Variants in TNFRSF11A observed in about 807,000 individuals in gnomAD.
TNFRSF11A encodes TNF receptor superfamily member 11a.
Under a neutral mutation model 55.7 loss-of-function variants are expected in TNFRSF11A, and 32 were observed. That is an observed-to-expected ratio of 0.57 (90% CI 0.43 to 0.77). TNFRSF11A has a LOEUF of 0.77. Ranked by LOEUF, TNFRSF11A falls within the 30% of genes least tolerant of loss-of-function variation. The pLI is 0.00. For synonymous variants in TNFRSF11A, 311 were observed against 331.0 expected (o/e 0.94, Z 0.65); for missense variants, 753 against 809.8 (o/e 0.93, Z 0.85).
intron 3 of TNFRSF11A, among the ~76,000 whole-genome samples, chr18:62,350,414 T>G (rs1369657902): frequency 1.3e-5 from 2 of 152,174 alleles, no homozygotes; most frequent in East Asian, 3.8e-4. Context: ...TGCCTCAGCC[T>G]CCTGAGTAGC....
chr18:62,341,988 A>C (rs772366439), intron 1 of TNFRSF11A, among the ~76,000 whole-genome samples: 2 of 151,400 alleles, frequency 1.3e-5, no homozygotes, highest in Non-Finnish European at 2.9e-5. Context: ...CTGAAGCCCA[A>C]CTCAGTTCTT....
At chr18:62,365,121 C>T (rs55824825) in intron 7 of TNFRSF11A, among the ~76,000 whole-genome samples, 12,071 of 152,058 alleles carry the variant, frequency 0.079, 615 homozygotes, top group African/African-American at 0.13. Context: ...CCACCATGCC[C>T]GGCTAATTTT....
At chr18:62,349,578 C>T (rs377382117) in intron 2 of TNFRSF11A, among the ~76,000 whole-genome samples, 1 of 152,168 alleles carries the variant, frequency 6.6e-6, no homozygotes, top group African/African-American at 2.4e-5. Flanking sequence ...GCTCAGCGGA[C>T]CCAGGTGGGG....
intron 7 of TNFRSF11A, among the ~76,000 whole-genome samples, chr18:62,362,481 A>C (rs1214374890): frequency 7.4e-6 from 1 of 135,372 alleles, no homozygotes; most frequent in Non-Finnish European, 1.6e-5. Flanking sequence ...CAAGAGCAAA[A>C]CTTCATCTCA....
intron 1 of TNFRSF11A, among the ~76,000 whole-genome samples, chr18:62,330,614 C>G (rs943050394): frequency 1.1e-4 from 17 of 151,696 alleles, no homozygotes; most frequent in African/African-American, 4.1e-4. Context: ...GAAGAGTGTC[C>G]AGGGGCGGGC....
At chr18:62,370,500 G>A (rs752360451) in intron 9 of TNFRSF11A, among the ~76,000 whole-genome samples, 2 of 152,080 alleles carry the variant, frequency 1.3e-5, no homozygotes, top group Non-Finnish European at 2.9e-5. Flanking sequence ...GCCGGTCTTC[G>A]AATTGTTTTA....
At chr18:62,377,389 C>A (rs1287861722) in intron 9 of TNFRSF11A, among the ~76,000 whole-genome samples, 2 of 152,206 alleles carry the variant, frequency 1.3e-5, no homozygotes, top group Non-Finnish European at 2.9e-5. Context: ...TTTTCAACTT[C>A]TTTGGGTAAA....
chr18:62,368,327 A>T (rs1910251771), intron 8 of TNFRSF11A, among the ~76,000 whole-genome samples: 1 of 152,196 alleles, frequency 6.6e-6, no homozygotes, highest in Non-Finnish European at 1.5e-5. Flanking sequence ...AGCATACCAC[A>T]GTGATACACA....
intron 4 of TNFRSF11A, among the ~76,000 whole-genome samples, chr18:62,355,496 C>T (rs1181789282): frequency 1.3e-5 from 2 of 152,184 alleles, no homozygotes; most frequent in East Asian, 1.9e-4. Context: ...AGGCTGGTCT[C>T]GAACTCCCGA....
At chr18:62,331,204 AAGTAAATAAATAAATAAAT>A (rs1348207943) in intron 1 of TNFRSF11A, among the ~76,000 whole-genome samples, 28 of 137,414 alleles carry the variant, frequency 2.0e-4, no homozygotes, top group African/African-American at 6.7e-4. Context: ...CTCCATCCCA[AAGTAAATAAATAAATAAAT>A]AGTAAATAAA....
At chr18:62,378,749 A>G (rs1911067279) in intron 9 of TNFRSF11A, among the ~76,000 whole-genome samples, 1 of 152,258 alleles carries the variant, frequency 6.6e-6, no homozygotes, top group African/African-American at 2.4e-5. Flanking sequence ...GCACACTGCC[A>G]GGCCAGCACA....
At position 62,387,048 on chromosome 18, in the gene TNFRSF11A, T is replaced by G. The variant is rs1158504993; in HGVS notation, c.*2014T>G. On this transcript the variant is annotated 3_prime_UTR_variant, in exon 10 of 10. Coordinates refer to ENST00000586569, the MANE Select transcript of TNFRSF11A (RefSeq NM_003839.4). ...TCTCACTGAGCACTTCGCTTTTCTTTGCTTTTATTTTTTCCTTCTATAAAA... is the reference window on the plus strand; with the variant it reads ...TCTCACTGAGCACTTCGCTTTTCTTGGCTTTTATTTTTTCCTTCTATAAAA... 2 of 152,366 alleles carry G rather than the reference T, an allele frequency of 1.3e-5. No individual in the cohort carries two copies. Among genetic ancestry groups the G allele is most frequent in the East Asian group, 3.9e-4 (2 of 5,192 alleles). 9.4% of individuals were successfully genotyped at this position (152,366 alleles called of 1,614,324 possible). A position where few individuals can be genotyped will look rare whatever the true frequency, so the allele number is the denominator to read the frequency against.
intron 4 of TNFRSF11A, among the ~76,000 whole-genome samples, chr18:62,356,108 C>A (rs1909235831): frequency 6.6e-6 from 1 of 152,160 alleles, no homozygotes; most frequent in Non-Finnish European, 1.5e-5. Context: ...TTCCTGACTT[C>A]TAGGAAGTAT....
In TNFRSF11A at chr18:62,369,103, A is replaced by C. The variant is rs200549384; in HGVS notation, c.1186A>C (p.Thr396Pro). Reference protein sequence around the residue: ...LSQCFTGTQSTVGSESCNCTE... With the variant: ...LSQCFTGTQSPVGSESCNCTE... ...CCAGTGCTTCACGGGGACACAGAGCACAGTGGGTTCAGAAAGCTGCAACTG... is the reference window on the plus strand; with the variant it reads ...CCAGTGCTTCACGGGGACACAGAGCCCAGTGGGTTCAGAAAGCTGCAACTG... The change falls in exon 9 of 10, where the codon ACA becomes CCA. Residue 396 changes from threonine (T) to proline (P), a missense_variant. By Grantham distance (38) the Thr-to-Pro change is conservative. Around this residue, in one of 3 missense-constraint regions of TNFRSF11A, gnomAD observed 567 missense variants for 596.7 expected, o/e 0.95. Transcript: ENST00000586569. 1.9e-6 allele frequency: 3 copies of C among 1,614,100 alleles called. No individual in the cohort carries two copies. The highest frequency in any genetic ancestry group is 2.5e-6 in the Non-Finnish European group (3 of 1,180,034).
chr18:62,354,588 C>T (rs1461525243), intron 4 of TNFRSF11A, 54 bp downstream of exon 4: 10 of 1,598,224 alleles, frequency 6.3e-6, no homozygotes, highest in South Asian at 1.1e-5. Context: ...GCAAAGCCAG[C>T]TTTGAGACAG....
At chr18:62,333,990 C>T (rs879477605) in intron 1 of TNFRSF11A, among the ~76,000 whole-genome samples, 14 of 152,028 alleles carry the variant, frequency 9.2e-5, no homozygotes, top group Admixed American at 5.2e-4. Flanking sequence ...CTCAGCCTCC[C>T]GAGTAGCTGG....
intron 9 of TNFRSF11A, among the ~76,000 whole-genome samples, chr18:62,373,346 C>T (rs529816808): frequency 6.6e-6 from 1 of 152,220 alleles, no homozygotes; most frequent in South Asian, 2.1e-4. Context: ...GGAATCCCAG[C>T]TACTTGAGAA....
intron 1 of TNFRSF11A, among the ~76,000 whole-genome samples, chr18:62,340,549 ATCT>A (rs1335558401): frequency 2.0e-5 from 3 of 151,414 alleles, no homozygotes; most frequent in African/African-American, 7.3e-5. Context: ...TTTCTTCATG[ATCT>A]TCTCCAATAA....
intron 9 of TNFRSF11A, among the ~76,000 whole-genome samples, chr18:62,384,063 AC>A (rs1911481979): frequency 6.6e-6 from 1 of 151,642 alleles, no homozygotes; most frequent in Non-Finnish European, 1.5e-5. Flanking sequence ...ACACACACAC[AC>A]ACACACACAC....
Sources: allele counts gnomAD v4.1 joint callset (sites outside exome capture counted in the v4.1 genomes callset), GRCh38; gene constraint gnomAD v4.1.1; regional missense constraint gnomAD v4.1.1; transcripts MANE v1.5; gene names NCBI Gene and HGNC (gene_info 2026-07-23, HGNC 2026-07-21).